Variants in ARHGAP10 observed in about 807,000 individuals in gnomAD.
ARHGAP10 encodes rho GTPase-activating protein 10.
A neutral mutation model predicts 108.6 loss-of-function variants in ARHGAP10; 87 were observed. That is an observed-to-expected ratio of 0.80 (90% confidence interval 0.67 to 0.96). ARHGAP10 has a LOEUF of 0.96. Ranked by LOEUF, ARHGAP10 falls within the 40% of genes least tolerant of loss-of-function variation. ARHGAP10 has a pLI of 0.00. For missense variants in ARHGAP10, 939 were observed against 954.5 expected (o/e 0.98, Z 0.21); for synonymous variants, 347 against 341.1 (o/e 1.02, Z -0.19).
In ARHGAP10 at chr4:147,939,821, A is replaced by G. The variant is rs1738103468; in HGVS notation, c.1229-4A>G. The stretch of plus-strand genomic sequence containing the variant: ...TTTTGCTAATAGTTTGTTTCTTCCC[A>G]TAGGTATAAATGACCAAGGATTGTA... On this transcript the variant is annotated splice_region_variant and splice_polypyrimidine_tract_variant and intron_variant, in intron 13 of 22. Transcript: ENST00000336498. 6.2e-7 allele frequency: 1 copy of G among 1,613,554 alleles called. No individual in the cohort carries two copies. Among genetic ancestry groups the G allele is most frequent in the Non-Finnish European group, 8.5e-7 (1 of 1,179,484 alleles).
chr4:147,737,333 T>TG (rs1553944387), intron 1 of ARHGAP10, among the ~76,000 whole-genome samples: 1 of 150,940 alleles, frequency 6.6e-6, no homozygotes, highest in Non-Finnish European at 1.5e-5. Flanking sequence ...GTACTTTTTT[T>TG]TTTTTTTTTT....
At chr4:148,062,858 AT>A (rs1223925494) in intron 20 of ARHGAP10, among the ~76,000 whole-genome samples, 3 of 152,160 alleles carry the variant, frequency 2.0e-5, no homozygotes, top group Non-Finnish European at 4.4e-5. Context: ...GATCAATTAG[AT>A]TCTGGTTTTC....
At chr4:147,863,305 A>AT in intron 5 of ARHGAP10, 1 of 152,322 alleles carries the variant, frequency 6.6e-6, no homozygotes, top group African/African-American at 2.4e-5. Context: ...GTTTCTATGA[A>AT]TTTAACTACT....
intron 4 of ARHGAP10, among the ~76,000 whole-genome samples, chr4:147,850,697 GA>G (rs1302943079): frequency 3.3e-5 from 5 of 152,156 alleles, no homozygotes. Context: ...CTTCGTTCTT[GA>G]ATTCAGTGAG....
At chr4:147,804,993 C>G (rs1731725686) in intron 1 of ARHGAP10, among the ~76,000 whole-genome samples, 3 of 152,062 alleles carry the variant, frequency 2.0e-5, no homozygotes, top group Admixed American at 2.0e-4. Flanking sequence ...TCCCATTTGT[C>G]AATTTTTGTT....
intron 1 of ARHGAP10, among the ~76,000 whole-genome samples, chr4:147,754,300 A>G (rs765593574): frequency 7.9e-5 from 12 of 152,210 alleles, no homozygotes; most frequent in Non-Finnish European, 1.5e-4. Context: ...AAGTAACTCC[A>G]TACCATTTGT....
intron 1 of ARHGAP10, among the ~76,000 whole-genome samples, chr4:147,749,588 T>G (rs1156932740): frequency 6.6e-6 from 1 of 152,232 alleles, no homozygotes; most frequent in Non-Finnish European, 1.5e-5. Flanking sequence ...TTGATTTAAT[T>G]TTAAATTTGA....
intron 18 of ARHGAP10, among the ~76,000 whole-genome samples, chr4:147,995,865 C>T (rs899518608): frequency 7.2e-5 from 11 of 152,036 alleles, no homozygotes; most frequent in African/African-American, 2.7e-4. Context: ...TACAGGCACC[C>T]GCCACTACGC....
At chr4:148,066,511 C>T (rs896292211) in intron 22 of ARHGAP10, among the ~76,000 whole-genome samples, 5 of 152,182 alleles carry the variant, frequency 3.3e-5, no homozygotes, top group Admixed American at 2.0e-4. Flanking sequence ...TCTAAAGTCC[C>T]GAGATGATTT....
chr4:147,991,833 C>T (rs1026761715), intron 18 of ARHGAP10, among the ~76,000 whole-genome samples: 5 of 152,160 alleles, frequency 3.3e-5, no homozygotes, highest in South Asian at 2.1e-4. Context: ...TTTTAACTGC[C>T]GTAGTGAGGA....
At chr4:147,879,195 A>G (rs781403308) in intron 8 of ARHGAP10, 37 bp from the exon 9 acceptor site, 4 of 1,566,722 alleles carry the variant, frequency 2.6e-6, no homozygotes, top group South Asian at 1.1e-5. Context: ...CTGCTTATTT[A>G]TGAGGGAAAA....
chr4:147,775,241 C>T (rs1730238964), intron 1 of ARHGAP10, among the ~76,000 whole-genome samples: 1 of 152,156 alleles, frequency 6.6e-6, no homozygotes. Context: ...TCAGCATTCT[C>T]ACTCCTGGAG....
chr4:148,049,823 T>TG (rs1729046314), intron 20 of ARHGAP10, among the ~76,000 whole-genome samples: 3 of 80,026 alleles, frequency 3.7e-5, no homozygotes, highest in Non-Finnish European at 5.2e-5. Context: ...TTTGTTTGTT[T>TG]TTTTTGGGTG....
intron 16 of ARHGAP10, among the ~76,000 whole-genome samples, chr4:147,956,340 T>G (rs1738783872): frequency 6.6e-6 from 1 of 152,156 alleles, no homozygotes; most frequent in Admixed American, 6.6e-5. Flanking sequence ...TCTTGTGAGG[T>G]CCTTGCTCCA....
intron 20 of ARHGAP10, among the ~76,000 whole-genome samples, chr4:148,049,913 G>T (rs1217793920): frequency 6.6e-6 from 1 of 151,772 alleles, no homozygotes. Flanking sequence ...TGTCACCCAG[G>T]CTGGAGTGTG....
intron 1 of ARHGAP10, among the ~76,000 whole-genome samples, chr4:147,806,058 A>C (rs1309402185): frequency 2.0e-5 from 3 of 152,074 alleles, no homozygotes; most frequent in Non-Finnish European, 4.4e-5. Flanking sequence ...CCATACTTTA[A>C]GCCTTTTGTT....
chr4:147,799,073 C>T (rs1731472769), intron 1 of ARHGAP10, among the ~76,000 whole-genome samples: 2 of 151,572 alleles, frequency 1.3e-5, no homozygotes, highest in African/African-American at 4.9e-5. Flanking sequence ...CTCACTCTGT[C>T]ACCCAGGCTG....
chr4:147,741,049 T>G (rs1419880201), intron 1 of ARHGAP10, among the ~76,000 whole-genome samples: 1 of 152,244 alleles, frequency 6.6e-6, no homozygotes, highest in East Asian at 1.9e-4. Flanking sequence ...ATTTGTGAGA[T>G]TCATCCAATT....
intron 11 of ARHGAP10, 127 bp from the exon 12 acceptor site, chr4:147,909,605 T>G: frequency 1.3e-6 from 1 of 763,828 alleles, no homozygotes; most frequent in Non-Finnish European, 2.1e-6. Context: ...AATTTCTTAT[T>G]CTATCACATT....
Sources: gnomAD v4.1 joint callset for allele counts (sites outside exome capture counted in the v4.1 genomes callset) on GRCh38, gnomAD v4.1.1 for gene constraint, MANE v1.5 for transcripts, NCBI Gene and HGNC (gene_info 2026-07-23, HGNC 2026-07-21) for gene names.